Variants in ANKHD1 observed in about 807,000 individuals in gnomAD.
ANKHD1 encodes ankyrin repeat and KH domain-containing protein 1.
A neutral mutation model predicts 230.5 loss-of-function variants in ANKHD1; 31 were observed. The observed-to-expected ratio is 0.13, with a 90% CI of 0.10 to 0.18. ANKHD1 has a LOEUF of 0.18. ANKHD1 is among the 10% of genes least tolerant of loss of function. The pLI is 1.00. For missense variants in ANKHD1, 2,256 were observed against 3,071.3 expected (o/e 0.73, Z 6.27); for synonymous variants, 1,074 against 1,117.6 (o/e 0.96, Z 0.78).
At chr5:140,457,452 G>T (rs965301228) in intron 7 of ANKHD1, among the ~76,000 whole-genome samples, 1 of 152,084 alleles carries the variant, frequency 6.6e-6, no homozygotes, top group Non-Finnish European at 1.5e-5. Context: ...TTGGAACCAA[G>T]CCAAATGTCC....
At chr5:140,526,499 A>G in intron 26 of ANKHD1, 56 bp downstream of exon 26, 1 of 1,535,050 alleles carries the variant, frequency 6.5e-7, no homozygotes. Context: ...CATGCCTGGT[A>G]CAAGAATTTG....
chr5:140,538,828 T>C lies in ANKHD1; in HGVS notation c.7405-91T>C. On this transcript the variant is annotated intron_variant, in intron 32 of 33. Transcript: ENST00000360839. ...TTTGGAGTTCTTTAAATGAGGAATA[T>C]TAGAGAAGTCTAAGCTGGTATTATG... is the stretch of plus-strand genomic sequence containing the variant. The C allele has an allele frequency of 7.0e-6, 9 of 1,281,654 alleles. No individual in the cohort carries two copies. The South Asian group carries it at 2.2e-4, about 31-fold the overall frequency. The allele number at this position is 1,281,654 out of a possible 1,614,324, so 79.4% of individuals were successfully genotyped here.
chr5:140,468,274 CA>C (rs1163072989), intron 10 of ANKHD1, among the ~76,000 whole-genome samples: 1 of 144,454 alleles, frequency 6.9e-6, no homozygotes, highest in African/African-American at 2.6e-5. Context: ...AAAAAAAAAA[CA>C]AAAAAAAACA....
In ANKHD1 at chr5:140,464,774, T is replaced by A. The variant is rs773877566; in HGVS notation, c.1780T>A (p.Leu594Ile). Residue 594 changes from leucine (L) to isoleucine (I), a missense_variant and splice_region_variant, in exon 10 of 34, where the codon TTA becomes ATA. Transcript: ENST00000360839. ...ADVLLQAGADLEHESEGGRTP... is the reference protein window; with the variant it reads ...ADVLLQAGADIEHESEGGRTP... ...TGTTTTACTTCAAGCAGGGGCTGAT[T>A]TAGTAAGATATTTTTAATTTCAAAT... is the stretch of plus-strand genomic sequence containing the variant. 2.5e-6 allele frequency: 4 copies of A among 1,591,302 alleles called. No individual in the cohort carries two copies. Among genetic ancestry groups the A allele is most frequent in the East Asian group, 2.2e-5 (1 of 44,490 alleles).
intron 20 of ANKHD1, 49 bp downstream of exon 20, chr5:140,508,047 G>T: frequency 6.4e-7 from 1 of 1,569,008 alleles, no homozygotes; most frequent in Non-Finnish European, 8.6e-7. Context: ...TCTGTAGAAA[G>T]AACATGGCAT....
At chr5:140,481,145 G>A (rs981389708) in intron 10 of ANKHD1, among the ~76,000 whole-genome samples, 2 of 152,032 alleles carry the variant, frequency 1.3e-5, no homozygotes, top group African/African-American at 4.8e-5. Context: ...TGCTAAATGG[G>A]CAATTTATTT....
Position 140,496,479 on chromosome 5 carries a change from TTTTAGCATGGCACTCTTTCAAACA to T in ANKHD1, c.2246-37_2246-14del. 1 of 1,177,348 alleles carries T rather than the reference TTTTAGCATGGCACTCTTTCAAACA, an allele frequency of 8.5e-7. No individual in the cohort carries two copies. Among genetic ancestry groups the T allele is most frequent in the Non-Finnish European group, 1.1e-6 (1 of 912,934 alleles). The allele number at this position is 1,177,348 out of a possible 1,614,324, so 72.9% of individuals were successfully genotyped here. On this transcript the variant is annotated splice_polypyrimidine_tract_variant and intron_variant, in intron 14 of 33. Transcript: ENST00000360839. The stretch of plus-strand genomic sequence containing the variant: ...TTCTTTTCTTTTTTTTTTTTTTTTT[TTTTAGCATGGCACTCTTTCAAACA>T]TTTTTCATGTGCTTAGGTACATCCA...
chr5:140,419,986 C>G (rs1325911474), intron 1 of ANKHD1, among the ~76,000 whole-genome samples: 1 of 46,812 alleles, frequency 2.1e-5, no homozygotes, highest in Admixed American at 2.6e-4. Flanking sequence ...CTCTCCTCCC[C>G]TCCGCTCCTC....
At chr5:140,462,862 T>C (rs1322834915) in intron 9 of ANKHD1, among the ~76,000 whole-genome samples, 1 of 152,118 alleles carries the variant, frequency 6.6e-6, no homozygotes, top group African/African-American at 2.4e-5. Flanking sequence ...TGGTTTTGTT[T>C]TGAGACAGGG....
intron 15 of ANKHD1, among the ~76,000 whole-genome samples, chr5:140,499,449 A>G (rs1381340708): frequency 6.6e-6 from 1 of 152,160 alleles, no homozygotes; most frequent in Admixed American, 6.5e-5. Flanking sequence ...CTACTTTAGA[A>G]TTTTACTTTA....
intron 32 of ANKHD1, 29 bp from the exon 33 acceptor site, chr5:140,538,890 A>C: frequency 6.8e-7 from 1 of 1,468,562 alleles, no homozygotes; most frequent in Non-Finnish European, 9.0e-7. Context: ...AGTAATTTTA[A>C]GATTAAATCT....
chr5:140,409,295 T>C (rs978345988), intron 1 of ANKHD1, among the ~76,000 whole-genome samples: 5 of 152,238 alleles, frequency 3.3e-5, no homozygotes, highest in African/African-American at 1.2e-4. Flanking sequence ...AAATTTTCTA[T>C]GGTAAATGTA....
intron 7 of ANKHD1, 84 bp from the exon 8 acceptor site, chr5:140,458,539 AAT>A: frequency 2.2e-6 from 3 of 1,389,736 alleles, no homozygotes; most frequent in Non-Finnish European, 2.9e-6. Flanking sequence ...TCCTTTTTCC[AAT>A]CTCTTGCTTT....
Position 140,506,567 on chromosome 5 carries a change from GA to G in ANKHD1, c.3409-266del, listed in dbSNP as rs1752544733. On this transcript the variant is annotated intron_variant, in intron 18 of 33. Coordinates refer to ENST00000360839, the MANE Select transcript of ANKHD1 (RefSeq NM_017747.3). This position sits in a 1 kb window ranked among gnomAD's most constrained non-coding sequence, Gnocchi z 4.7. Reference sequence around the variant, plus strand: ...AATGAATCACAATTCTAACACATATGAAGTGCAAATTTATTGCCCAATAAAT... The same window carrying G: ...AATGAATCACAATTCTAACACATATGAGTGCAAATTTATTGCCCAATAAAT... Among the ~76,000 whole-genome samples the G allele has an allele frequency of 6.6e-6, 1 of 152,188 alleles. No homozygotes were observed. The highest frequency in any genetic ancestry group is 1.5e-5 in the Non-Finnish European group (1 of 68,032).
intron 29 of ANKHD1, 52 bp downstream of exon 29, chr5:140,529,848 C>G (rs762543985): frequency 1.3e-6 from 2 of 1,587,458 alleles, no homozygotes; most frequent in Non-Finnish European, 1.7e-6. Flanking sequence ...ATGGCCTAAT[C>G]TCACCTTAAG....
At chr5:140,449,404 C>T in intron 7 of ANKHD1, 99 bp downstream of exon 7, 2 of 1,347,832 alleles carry the variant, frequency 1.5e-6, no homozygotes, top group South Asian at 1.4e-5. Context: ...GTGGCTCACG[C>T]CTGTAATCCC....
At chr5:140,525,620 C>CA (rs1279147970) in intron 25 of ANKHD1, among the ~76,000 whole-genome samples, 1 of 152,000 alleles carries the variant, frequency 6.6e-6, no homozygotes, top group East Asian at 1.9e-4. Flanking sequence ...CCTGTAATCC[C>CA]GCACTTTGGG....
At chr5:140,421,948 A>G (rs1055019632) in intron 1 of ANKHD1, among the ~76,000 whole-genome samples, 14 of 152,190 alleles carry the variant, frequency 9.2e-5, no homozygotes, top group African/African-American at 3.1e-4. Flanking sequence ...CACGAGTACT[A>G]TTGTATATAT....
intron 1 of ANKHD1, among the ~76,000 whole-genome samples, chr5:140,406,314 G>C (rs1276486697): frequency 6.6e-6 from 1 of 152,078 alleles, no homozygotes; most frequent in Non-Finnish European, 1.5e-5. Flanking sequence ...TGTGTAGTTT[G>C]GGAGTGAAGT....
Sources: gnomAD v4.1 joint callset for allele counts (sites outside exome capture counted in the v4.1 genomes callset) on GRCh38, gnomAD v4.1.1 for gene constraint, Gnocchi (gnomAD v3.1) non-coding constraint, MANE v1.5 for transcripts, NCBI Gene and HGNC (gene_info 2026-07-23, HGNC 2026-07-21) for gene names.